The following NKAIN3 variants were observed in gnomAD, a reference collection of about 807,000 sequenced individuals.
NKAIN3 encodes sodium/potassium transporting ATPase interacting 3.
Under a neutral mutation model 30.2 loss-of-function variants are expected in NKAIN3, and 25 were observed. The ratio of observed to expected loss-of-function variants is 0.83; its 90% CI spans 0.60 to 1.16. The LOEUF (loss-of-function observed/expected upper bound fraction) is 1.16. Among genes scored for constraint, NKAIN3 ranks in the 50% most tolerant of loss-of-function variants. The pLI is 0.00. For synonymous variants in NKAIN3, 91 were observed against 89.6 expected, an observed-to-expected ratio of 1.02 and a Z score of -0.09; for missense variants, 225 against 254.1, an observed-to-expected ratio of 0.89 and a Z score of 0.78.
chr8:62,763,245 A>C (rs1396397622), intron 4 of NKAIN3, among the ~76,000 whole-genome samples: 5 of 124,750 alleles, frequency 4.0e-5, no homozygotes, highest in African/African-American at 1.0e-4. Context: ...AAAAAAAAAA[A>C]AAAAAAAAAA....
At chr8:62,535,514 A>G (rs913704624) in intron 1 of NKAIN3, among the ~76,000 whole-genome samples, 1 of 152,100 alleles carries the variant, frequency 6.6e-6, no homozygotes, top group South Asian at 2.1e-4. Flanking sequence ...ACCGGGCTTC[A>G]AGTTGGGATT....
At chr8:62,380,880 G>A (rs1253921096) in intron 1 of NKAIN3, among the ~76,000 whole-genome samples, 1 of 152,044 alleles carries the variant, frequency 6.6e-6, no homozygotes, top group East Asian at 1.9e-4. Flanking sequence ...ATATGAGCTC[G>A]GTTGTAAGCC....
chr8:62,997,273 G>A (rs1804139054), intron 5 of NKAIN3, among the ~76,000 whole-genome samples: 1 of 152,104 alleles, frequency 6.6e-6, no homozygotes, highest in Admixed American at 6.6e-5. Context: ...AATTGTAGAT[G>A]GAAAGTGATA....
chr8:62,457,494 C>G (rs938355799), intron 1 of NKAIN3, among the ~76,000 whole-genome samples: 1 of 152,150 alleles, frequency 6.6e-6, no homozygotes, highest in African/African-American at 2.4e-5. Context: ...CCTTTGAAGT[C>G]CTCTCCAACT....
chr8:62,855,866 T>C (rs573277361), intron 4 of NKAIN3: 38 of 777,650 alleles, frequency 4.9e-5, no homozygotes, highest in Non-Finnish European at 8.5e-5. Flanking sequence ...CCTCTTCCTG[T>C]GGCACCAAAG....
At chr8:62,750,595 G>T (rs934431562) in intron 4 of NKAIN3, among the ~76,000 whole-genome samples, 2 of 152,082 alleles carry the variant, frequency 1.3e-5, no homozygotes, top group Non-Finnish European at 2.9e-5. Flanking sequence ...GGGAGGCGGC[G>T]GGGGGTGCCA....
intron 4 of NKAIN3, among the ~76,000 whole-genome samples, chr8:62,917,353 G>T (rs551713238): frequency 2.7e-4 from 41 of 152,274 alleles, no homozygotes; most frequent in African/African-American, 8.9e-4. Flanking sequence ...GTGAGAGGAG[G>T]TGCCCGCTGG....
In NKAIN3 at chr8:62,312,309, G is replaced by T. The variant is rs1049658944; in HGVS notation, c.54+63182G>T. The stretch of plus-strand genomic sequence containing the variant: ...CCTTTTGTGACTGCTTATTCTTTTG[G>T]ATGTCAGTCACATAAAAATTAGGGT... On this transcript the variant is annotated intron_variant, in intron 1 of 6. Transcript: ENST00000623646. Among the ~76,000 whole-genome samples the T allele has an allele frequency of 5.3e-5, 8 of 150,488 alleles. 1 individual carries two copies. Among genetic ancestry groups the T allele is most frequent in the African/African-American group, 2.0e-4 (8 of 39,888 alleles).
chr8:62,565,034 T>A (rs1227261419), intron 1 of NKAIN3, among the ~76,000 whole-genome samples: 1 of 152,154 alleles, frequency 6.6e-6, no homozygotes, highest in Non-Finnish European at 1.5e-5. Context: ...AATCTCAAAA[T>A]ATTTGTTGAT....
intron 3 of NKAIN3, among the ~76,000 whole-genome samples, chr8:62,722,622 G>C (rs1266983490): frequency 6.6e-6 from 1 of 152,114 alleles, no homozygotes; most frequent in Non-Finnish European, 1.5e-5. Context: ...TCAAATCAAG[G>C]AGTCCATGGA....
intron 1 of NKAIN3, among the ~76,000 whole-genome samples, chr8:62,346,936 C>G (rs1164562959): frequency 1.3e-5 from 2 of 152,000 alleles, no homozygotes; most frequent in Non-Finnish European, 2.9e-5. Flanking sequence ...TTTATTATGG[C>G]CAATCTGAAA....
intron 6 of NKAIN3, among the ~76,000 whole-genome samples, chr8:62,957,356 G>A (rs1823447124): frequency 6.6e-6 from 1 of 152,204 alleles, no homozygotes; most frequent in Non-Finnish European, 1.5e-5. Context: ...GGTTGGTCTC[G>A]ATCTCCTGAC....
chr8:62,435,150 T>C (rs143844012), intron 1 of NKAIN3, among the ~76,000 whole-genome samples: 2 of 152,290 alleles, frequency 1.3e-5, no homozygotes, highest in East Asian at 3.9e-4. Context: ...TGACACTTCA[T>C]GTCCTAAAAT....
chr8:62,667,050 T>C (rs1813126112), intron 3 of NKAIN3, among the ~76,000 whole-genome samples: 2 of 147,762 alleles, frequency 1.4e-5, no homozygotes, highest in African/African-American at 5.0e-5. Flanking sequence ...GAGTAGAAAA[T>C]ACAGAGCAGC....
chr8:62,459,288 G>A (rs1420334669), intron 1 of NKAIN3, among the ~76,000 whole-genome samples: 1 of 152,174 alleles, frequency 6.6e-6, no homozygotes, highest in Non-Finnish European at 1.5e-5. Context: ...GGTCAGCTGA[G>A]CAACAGGGAG....
intron 1 of NKAIN3, among the ~76,000 whole-genome samples, chr8:62,457,283 G>T (rs1008564987): frequency 2.6e-5 from 4 of 152,172 alleles, no homozygotes; most frequent in African/African-American, 9.7e-5. Context: ...GAAATATAAA[G>T]ATCTGTTACT....
At chr8:62,952,879 C>T (rs564564679) in intron 5 of NKAIN3, among the ~76,000 whole-genome samples, 2 of 152,102 alleles carry the variant, frequency 1.3e-5, no homozygotes, top group South Asian at 4.1e-4. Context: ...GAATGGAGCC[C>T]CAGTTTTTAA....
intron 3 of NKAIN3, among the ~76,000 whole-genome samples, chr8:62,646,556 T>C (rs6991540): frequency 0.019 from 2,920 of 152,234 alleles, 91 homozygotes; most frequent in African/African-American, 0.067. Context: ...GTTTCTAATG[T>C]TTATAATAAA....
intron 1 of NKAIN3, among the ~76,000 whole-genome samples, chr8:62,389,307 C>G (rs1368346066): frequency 6.6e-6 from 1 of 152,110 alleles, no homozygotes; most frequent in Non-Finnish European, 1.5e-5. Flanking sequence ...TATTCATCGC[C>G]TCAAATATCT....
Sources: allele counts gnomAD v4.1 joint callset (sites outside exome capture counted in the v4.1 genomes callset), GRCh38; gene constraint gnomAD v4.1.1; transcripts MANE v1.5; gene names NCBI Gene and HGNC (gene_info 2026-07-23, HGNC 2026-07-21).